CHRM3: variants seen among roughly 807,000 people sequenced by gnomAD.
CHRM3 encodes muscarinic acetylcholine receptor M3.
A neutral mutation model predicts 41.8 loss-of-function variants in CHRM3; 11 were observed. That is an observed-to-expected ratio of 0.26 (90% CI 0.17 to 0.44). The LOEUF (loss-of-function observed/expected upper bound fraction) is 0.44. Ranked by LOEUF, CHRM3 falls within the 20% of genes least tolerant of loss-of-function variation. CHRM3 has a pLI of 1.00. For missense variants in CHRM3, 571 were observed against 745.4 expected (o/e 0.77, Z 2.72); for synonymous variants, 297 against 301.4 (o/e 0.99, Z 0.15).
chr1:239,901,750 CA>C (rs1679591779), intron 6 of CHRM3, among the ~76,000 whole-genome samples: 1 of 152,010 alleles, frequency 6.6e-6, no homozygotes, highest in South Asian at 2.1e-4. Flanking sequence ...GAATTCATTT[CA>C]AAACGAATGG....
chr1:239,903,849 T>C lies in CHRM3; in HGVS notation c.-19-3584T>C, dbSNP rs544574867. Among the ~76,000 whole-genome samples the C allele has an allele frequency of 9.2e-5, 14 of 152,320 alleles. No homozygotes were observed. The East Asian group carries it at 2.5e-3, about 27-fold the overall frequency. On this transcript the variant is annotated intron_variant, in intron 6 of 6. Transcript: ENST00000676153. ...AACCCTCCTGCCTGGGTCTTCTTCA[T>C]GTTCATTGTTGTGGTAGAGGAGCGA...
chr1:239,434,049 A>G (rs1244749128), intron 1 of CHRM3, among the ~76,000 whole-genome samples: 1 of 152,176 alleles, frequency 6.6e-6, no homozygotes, highest in African/African-American at 2.4e-5. Flanking sequence ...GCTGTTGTCC[A>G]TAGTGGTTCA....
At chr1:239,568,944 T>C (rs2148525420) in intron 3 of CHRM3, among the ~76,000 whole-genome samples, 1 of 152,304 alleles carries the variant, frequency 6.6e-6, no homozygotes, top group East Asian at 1.9e-4. Flanking sequence ...AATGCCTACC[T>C]CTCAATATCT....
intron 6 of CHRM3, among the ~76,000 whole-genome samples, chr1:239,832,308 C>T (rs564196892): frequency 6.6e-6 from 1 of 152,288 alleles, no homozygotes; most frequent in Non-Finnish European, 1.5e-5. Flanking sequence ...GTGCAGAAAG[C>T]AAACTGGAGT....
chr1:239,610,606 T>G (rs72758711), intron 3 of CHRM3, among the ~76,000 whole-genome samples: 7,265 of 152,288 alleles, frequency 0.048, 210 homozygotes, highest in Admixed American at 0.063. Flanking sequence ...GTGTGTATTG[T>G]GATCCCTTTT....
At chr1:239,690,127 C>T (rs1391074246) in intron 5 of CHRM3, among the ~76,000 whole-genome samples, 1 of 152,002 alleles carries the variant, frequency 6.6e-6, no homozygotes, top group Non-Finnish European at 1.5e-5. Flanking sequence ...TCTCCTTCTG[C>T]CATACCATCC....
chr1:239,686,610 C>T (rs1305806782), intron 5 of CHRM3, among the ~76,000 whole-genome samples: 1 of 152,200 alleles, frequency 6.6e-6, no homozygotes, highest in Non-Finnish European at 1.5e-5. Context: ...TTTATTGCTA[C>T]TCCTCAGACT....
chr1:239,822,611 C>T (rs979560687), intron 5 of CHRM3, among the ~76,000 whole-genome samples: 1 of 152,138 alleles, frequency 6.6e-6, no homozygotes, highest in Non-Finnish European at 1.5e-5. Context: ...AGATCTCAAT[C>T]CAGGAAGTAA....
intron 1 of CHRM3, among the ~76,000 whole-genome samples, chr1:239,398,166 A>T (rs1378627089): frequency 2.6e-5 from 4 of 152,210 alleles, no homozygotes; most frequent in African/African-American, 9.6e-5. Context: ...AGAATGTAAG[A>T]CAATAAAAGA....
chr1:239,586,600 T>G (rs1053352779), intron 3 of CHRM3, among the ~76,000 whole-genome samples: 1 of 152,196 alleles, frequency 6.6e-6, no homozygotes, highest in African/African-American at 2.4e-5. Flanking sequence ...AGTACTCAGC[T>G]GTTCTTTTAG....
chr1:239,530,106 T>C (rs186408667), intron 2 of CHRM3, among the ~76,000 whole-genome samples: 20 of 152,244 alleles, frequency 1.3e-4, no homozygotes, highest in Admixed American at 3.9e-4. Context: ...GGTTTCACCG[T>C]GTTAGCCAGG....
At chr1:239,607,561 TAAAC>T (rs773733407) in intron 3 of CHRM3, among the ~76,000 whole-genome samples, 52 of 152,216 alleles carry the variant, frequency 3.4e-4, no homozygotes, top group Non-Finnish European at 6.3e-4. Flanking sequence ...TAAAAAAAAA[TAAAC>T]AAACCCTTAC....
At chr1:239,466,801 A>C (rs2147913716) in intron 1 of CHRM3, among the ~76,000 whole-genome samples, 1 of 152,262 alleles carries the variant, frequency 6.6e-6, no homozygotes, top group South Asian at 2.1e-4. Context: ...CATATCTATT[A>C]AACTTATTTG....
intron 5 of CHRM3, among the ~76,000 whole-genome samples, chr1:239,813,710 G>A (rs1229346031): frequency 7.2e-6 from 1 of 138,726 alleles, no homozygotes; most frequent in African/African-American, 2.8e-5. Context: ...GAGGTCAGGA[G>A]ATCGAGACCA....
chr1:239,560,706 A>G (rs1281466657), intron 3 of CHRM3, among the ~76,000 whole-genome samples: 2 of 152,066 alleles, frequency 1.3e-5, no homozygotes, highest in African/African-American at 4.8e-5. Flanking sequence ...GTATATATAT[A>G]TCCTGGCATG....
intron 5 of CHRM3, among the ~76,000 whole-genome samples, chr1:239,796,722 G>A (rs533108695): frequency 6.6e-6 from 1 of 152,070 alleles, no homozygotes; most frequent in Non-Finnish European, 1.5e-5. Context: ...AGATTTAGGG[G>A]GTACAAGTGC....
intron 4 of CHRM3, among the ~76,000 whole-genome samples, chr1:239,659,456 G>C (rs1233792052): frequency 6.6e-6 from 1 of 151,964 alleles, no homozygotes; most frequent in African/African-American, 2.4e-5. Flanking sequence ...TAGTCTCTAG[G>C]CCCCCTTCTC....
chr1:239,775,265 T>C (rs1267772032), intron 5 of CHRM3, among the ~76,000 whole-genome samples: 1 of 152,110 alleles, frequency 6.6e-6, no homozygotes, highest in Non-Finnish European at 1.5e-5. Flanking sequence ...GTTATACTTA[T>C]TGTTGACTGT....
chr1:239,671,222 G>A (rs534799982), intron 4 of CHRM3, among the ~76,000 whole-genome samples: 1 of 152,252 alleles, frequency 6.6e-6, no homozygotes, highest in South Asian at 2.1e-4. Context: ...TCAACTCAGT[G>A]AGGCAACCAA....
Sources: allele counts gnomAD v4.1 joint callset (sites outside exome capture counted in the v4.1 genomes callset), GRCh38; gene constraint gnomAD v4.1.1; transcripts MANE v1.5; gene names NCBI Gene and HGNC (gene_info 2026-07-23, HGNC 2026-07-21).